Variants in CELF1 observed in about 807,000 individuals in gnomAD.
The protein encoded by CELF1 is CUGBP Elav-like family member 1.
A neutral mutation model predicts 61.8 loss-of-function variants in CELF1; 10 were observed. The observed-to-expected ratio is 0.16, with a 90% confidence interval of 0.10 to 0.27. CELF1 has a LOEUF of 0.27. Among genes scored for constraint, CELF1 ranks in the 10% least tolerant of loss-of-function variants. The pLI, the probability that CELF1 is intolerant of heterozygous loss-of-function variation, is 1.00. For synonymous variants in CELF1, 236 were observed against 225.1 expected (o/e 1.05, Z -0.43); for missense variants, 380 against 639.1 (o/e 0.59, Z 4.37).
At chr11:47,522,781 G>A (rs540968284) in intron 1 of CELF1, among the ~76,000 whole-genome samples, 14 of 150,046 alleles carry the variant, frequency 9.3e-5, no homozygotes, top group Admixed American at 5.3e-4. Flanking sequence ...AGCTGAGTTC[G>A]TGCCACTGCA....
chr11:47,552,481 TGGG>T (rs2097164522), intron 1 of CELF1, among the ~76,000 whole-genome samples: 1 of 152,208 alleles, frequency 6.6e-6, no homozygotes, highest in Non-Finnish European at 1.5e-5. Context: ...GTAGCGGATC[TGGG>T]GCGAGGAACG....
intron 1 of CELF1, among the ~76,000 whole-genome samples, chr11:47,525,678 C>T (rs1013177143): frequency 3.9e-5 from 6 of 152,108 alleles, no homozygotes; most frequent in African/African-American, 1.4e-4. Context: ...TCAGTGACCT[C>T]CAATCTAATT....
intron 3 of CELF1, among the ~76,000 whole-genome samples, chr11:47,491,526 T>G (rs574615477): frequency 6.6e-6 from 1 of 152,218 alleles, no homozygotes; most frequent in Non-Finnish European, 1.5e-5. Flanking sequence ...TCTAGCACTA[T>G]CTAAATTCAA....
chr11:47,500,916 A>C lies in CELF1; in HGVS notation c.-137T>G, dbSNP rs2093813809. The stretch of plus-strand genomic sequence containing the variant: ...TCACAACACAGGGAACTTTGAAAAA[A>C]AGAAGTTATGTTCAGCCTGCAAAGA... On this transcript the variant is annotated 5_prime_UTR_variant, in exon 2 of 15. Coordinates refer to ENST00000687097, the MANE Select transcript of CELF1 (RefSeq NM_001376376.1). 2 of 398,496 alleles carry C rather than the reference A, an allele frequency of 5.0e-6. No individual in the cohort carries two copies. The highest frequency in any genetic ancestry group is 4.1e-5 in the African/African-American group (2 of 48,630). 24.7% of individuals were successfully genotyped at this position (398,496 alleles called of 1,614,324 possible).
chr11:47,472,427 A>G (rs983416090), intron 14 of CELF1, 70 bp from the exon 15 acceptor site: 2 of 1,533,378 alleles, frequency 1.3e-6, no homozygotes, highest in African/African-American at 2.7e-5. Context: ...CTCCTTATGC[A>G]AGATACCTTA....
intron 1 of CELF1, among the ~76,000 whole-genome samples, chr11:47,530,536 A>G (rs1251382920): frequency 6.6e-6 from 1 of 152,234 alleles, no homozygotes; most frequent in African/African-American, 2.4e-5. Context: ...GGCAGTCTAG[A>G]GAGGATGATG....
chr11:47,518,375 A>G (rs1277997688), intron 1 of CELF1, among the ~76,000 whole-genome samples: 2 of 152,238 alleles, frequency 1.3e-5, no homozygotes, highest in African/African-American at 2.4e-5. Context: ...CTGCCAAGGC[A>G]AAGTGCAACA....
Position 47,472,126 on chromosome 11 carries a change from G to T in CELF1, c.*104C>A. ...GCCTGCGAGAGTGGCAGGGATCAGG[G>T]TCCAGGGCTGTCAACACACAGCCTC... On this transcript the variant is annotated 3_prime_UTR_variant, in exon 15 of 15. Transcript: ENST00000687097. The T allele has an allele frequency of 7.2e-7, 1 of 1,390,206 alleles. No homozygotes were observed. The highest frequency in any genetic ancestry group is 1.0e-6 in the Non-Finnish European group (1 of 999,436). The allele number at this position is 1,390,206 out of a possible 1,614,324, so 86.1% of individuals were successfully genotyped here.
chr11:47,482,626 TAGGGACAGCAGAAGA>T, intron 9 of CELF1, 54 bp downstream of exon 9: 1 of 1,478,856 alleles, frequency 6.8e-7, no homozygotes, highest in South Asian at 1.3e-5. Flanking sequence ...GTTTGTTGGC[TAGGGACAGCAGAAGA>T]AGGAACAGCT....
At chr11:47,530,478 G>A (rs2096431888) in intron 1 of CELF1, among the ~76,000 whole-genome samples, 1 of 152,174 alleles carries the variant, frequency 6.6e-6, no homozygotes, top group African/African-American at 2.4e-5. Flanking sequence ...GTCAAAAGAG[G>A]ACATAGTCAC....
At chr11:47,548,083 G>C (rs528549067) in intron 1 of CELF1, among the ~76,000 whole-genome samples, 2 of 152,054 alleles carry the variant, frequency 1.3e-5, no homozygotes, top group Non-Finnish European at 2.9e-5. Flanking sequence ...GGTGGATCAC[G>C]AGGTCTGGAG....
intron 1 of CELF1, among the ~76,000 whole-genome samples, chr11:47,537,530 A>G (rs745810735): frequency 6.6e-6 from 1 of 152,102 alleles, no homozygotes; most frequent in Non-Finnish European, 1.5e-5. Flanking sequence ...TACAGGCGTG[A>G]GCCACCACAC....
At chr11:47,491,436 G>C (rs1026515914) in intron 3 of CELF1, among the ~76,000 whole-genome samples, 3 of 152,232 alleles carry the variant, frequency 2.0e-5, no homozygotes, top group African/African-American at 7.2e-5. Flanking sequence ...TGGGATTACA[G>C]GCCTGAGCCA....
chr11:47,489,085 CTT>C, intron 3 of CELF1, 61 bp from the exon 4 acceptor site: 1 of 1,364,038 alleles, frequency 7.3e-7, no homozygotes, highest in Non-Finnish European at 9.6e-7. Context: ...AGGAAATTTT[CTT>C]TTCTTTAATG....
chr11:47,502,288 G>A (rs1172641001), intron 1 of CELF1, among the ~76,000 whole-genome samples: 2 of 152,108 alleles, frequency 1.3e-5, no homozygotes, highest in African/African-American at 4.8e-5. Flanking sequence ...ACATGAAAGA[G>A]GGCACTTCTT....
chr11:47,526,440 G>C (rs1169624343), intron 1 of CELF1, among the ~76,000 whole-genome samples: 1 of 152,212 alleles, frequency 6.6e-6, no homozygotes, highest in East Asian at 1.9e-4. Context: ...AACCTGAAAT[G>C]TTTCATAGTA....
chr11:47,559,422 CA>C, intron 2 of CELF1, among the ~76,000 whole-genome samples: 1 of 151,496 alleles, frequency 6.6e-6, no homozygotes, highest in East Asian at 1.9e-4. Flanking sequence ...TGCAGTGGCA[CA>C]GCTTGCTCAC....
intron 1 of CELF1, among the ~76,000 whole-genome samples, chr11:47,548,606 C>A (rs763271960): frequency 2.6e-5 from 4 of 152,110 alleles, no homozygotes; most frequent in Non-Finnish European, 5.9e-5. Flanking sequence ...TGGCTCACAT[C>A]TGTAATCCCA....
chr11:47,556,874 C>G (rs899911753), upstream of CELF1, among the ~76,000 whole-genome samples: 4 of 152,132 alleles, frequency 2.6e-5, no homozygotes, highest in African/African-American at 9.7e-5. Flanking sequence ...GAGTAAGACC[C>G]TGTCTCTATT....
Sources: allele counts gnomAD v4.1 joint callset (sites outside exome capture counted in the v4.1 genomes callset), GRCh38; gene constraint gnomAD v4.1.1; transcripts MANE v1.5; gene names NCBI Gene and HGNC (gene_info 2026-07-23, HGNC 2026-07-21).